KCND3: variants seen among roughly 807,000 people sequenced by gnomAD.
KCND3 encodes potassium voltage-gated channel subfamily D member 3.
A neutral mutation model predicts 51.1 loss-of-function variants in KCND3; 9 were observed. The observed-to-expected ratio is 0.18, with a 90% CI of 0.11 to 0.31. The LOEUF (loss-of-function observed/expected upper bound fraction) is 0.31, where lower values mean the gene tolerates loss of function less well. KCND3 is among the 10% of genes least tolerant of loss of function. KCND3 has a pLI of 1.00. For missense variants in KCND3, 526 were observed against 903.8 expected, an observed-to-expected ratio of 0.58 and a Z score of 5.36; for synonymous variants, 349 against 368.0, an observed-to-expected ratio of 0.95 and a Z score of 0.59.
In KCND3 at chr1:111,774,079, C is replaced by T. The variant is rs1664017062; in HGVS notation, c.*1998G>A. The T allele has an allele frequency of 6.6e-6, 1 of 152,208 alleles. No homozygotes were observed. Among genetic ancestry groups the T allele is most frequent in the Non-Finnish European group, 1.5e-5 (1 of 68,070 alleles). The allele number at this position is 152,208 out of a possible 1,614,324, so 9.4% of individuals were successfully genotyped here. On this transcript the variant is annotated 3_prime_UTR_variant, in exon 8 of 8. Transcript: ENST00000302127. The stretch of plus-strand genomic sequence containing the variant: ...TCAGCCCATGGTCAATGAGGATAAG[C>T]ATAAAGAGATAAAGACAGAAAGAAG...
At chr1:111,861,585 G>A (rs1668341859) in intron 2 of KCND3, among the ~76,000 whole-genome samples, 1 of 152,096 alleles carries the variant, frequency 6.6e-6, no homozygotes, top group African/African-American at 2.4e-5. Context: ...CGGGTGGCAG[G>A]AGGGGGCCCA....
chr1:111,982,563 C>T lies in KCND3; in HGVS notation c.164G>A (p.Arg55Lys), dbSNP rs777293834. 6.2e-7 allele frequency: 1 copy of T among 1,611,544 alleles called. No individual in the cohort carries two copies. The highest frequency in any genetic ancestry group is 8.5e-7 in the Non-Finnish European group (1 of 1,178,010). Residue 55 changes from arginine (R) to lysine (K), a missense_variant, in exon 2 of 8, where the codon AGG becomes AAG. Around this residue, in one of 5 missense-constraint regions of KCND3, gnomAD observed 159 missense variants for 262.8 expected, o/e 0.61. Transcript: ENST00000302127. The surrounding 1 kb of genome is among the most constrained non-coding windows in gnomAD (Gnocchi z 8.5). ...GTCCGGGTAGCGCTCCAGCGTGGTC[C>T]TCCAGGTCTGGAACCTCCGCCCACT... ...NVSGRRFQTW[R>K]TTLERYPDTL...
intron 2 of KCND3, among the ~76,000 whole-genome samples, chr1:111,794,801 C>T (rs945760469): frequency 2.0e-5 from 3 of 152,202 alleles, no homozygotes; most frequent in Non-Finnish European, 4.4e-5. Flanking sequence ...TTTTCATGTC[C>T]AAATCCCCTC....
chr1:111,907,670 G>A (rs1213885442), intron 2 of KCND3, among the ~76,000 whole-genome samples: 1 of 152,184 alleles, frequency 6.6e-6, no homozygotes, highest in Non-Finnish European at 1.5e-5. Flanking sequence ...AGTTTTGGGG[G>A]AATTTTGTTA....
chr1:111,796,317 A>T (rs1665053134), intron 2 of KCND3, among the ~76,000 whole-genome samples: 1 of 152,140 alleles, frequency 6.6e-6, no homozygotes, highest in Non-Finnish European at 1.5e-5. Flanking sequence ...ATAAAGACAC[A>T]TGCATGTGAA....
At chr1:111,921,372 C>T (rs1671469564) in intron 2 of KCND3, among the ~76,000 whole-genome samples, 1 of 152,184 alleles carries the variant, frequency 6.6e-6, no homozygotes, top group Non-Finnish European at 1.5e-5. Flanking sequence ...GAGCTTGGGT[C>T]AAGGCCAGGC....
chr1:111,857,176 C>T (rs192963105), intron 2 of KCND3, among the ~76,000 whole-genome samples: 3 of 152,310 alleles, frequency 2.0e-5, no homozygotes, highest in Admixed American at 2.0e-4. Flanking sequence ...TTTTCATATT[C>T]GTTACTTTGG....
chr1:111,795,823 T>C (rs938799490), intron 2 of KCND3, among the ~76,000 whole-genome samples: 1 of 152,258 alleles, frequency 6.6e-6, no homozygotes, highest in East Asian at 1.9e-4. Flanking sequence ...AGTGTTCCTT[T>C]TTCTCCACAA....
intron 3 of KCND3, 80 bp downstream of exon 3, chr1:111,786,864 G>A: frequency 6.5e-7 from 1 of 1,544,348 alleles, no homozygotes; most frequent in Non-Finnish European, 8.9e-7. Context: ...GATCCTGTGA[G>A]GAGCTCTAGT....
At chr1:111,850,419 A>G (rs1667761280) in intron 2 of KCND3, among the ~76,000 whole-genome samples, 1 of 151,946 alleles carries the variant, frequency 6.6e-6, no homozygotes, top group Non-Finnish European at 1.5e-5. Flanking sequence ...CCATCTGGGG[A>G]CCCCTCACAG....
rs1250368781 is a variant in KCND3 at position 111,771,125 on chromosome 1, C to T, written c.*4952G>A. The T allele has an allele frequency of 6.6e-6, 1 of 152,154 alleles. No individual in the cohort carries two copies. Among genetic ancestry groups the T allele is most frequent in the African/African-American group, 2.4e-5 (1 of 41,416 alleles). 9.4% of individuals were successfully genotyped at this position (152,154 alleles called of 1,614,324 possible). A position where few individuals can be genotyped will look rare whatever the true frequency, so the allele number is the denominator to read the frequency against. The stretch of plus-strand genomic sequence containing the variant: ...GTACACTGGTTAGAGTGACATCATC[C>T]AGTGTAGTTGAGTAACCTGCTAAGA... On this transcript the variant is annotated 3_prime_UTR_variant, in exon 8 of 8. Coordinates refer to ENST00000302127, the MANE Select transcript of KCND3 (RefSeq NM_001378969.1).
chr1:111,805,788 G>A (rs777577700), intron 2 of KCND3, among the ~76,000 whole-genome samples: 3 of 152,216 alleles, frequency 2.0e-5, no homozygotes, highest in Admixed American at 6.5e-5. Flanking sequence ...AATTCCCCGC[G>A]GCTGCAGAGC....
chr1:111,977,358 G>A (rs961835742), intron 2 of KCND3, among the ~76,000 whole-genome samples: 1 of 152,176 alleles, frequency 6.6e-6, no homozygotes, highest in African/African-American at 2.4e-5. Flanking sequence ...TCGCCTCTTC[G>A]AACCTCAGGC....
At chr1:111,938,270 C>T (rs1672317151) in intron 2 of KCND3, among the ~76,000 whole-genome samples, 1 of 152,176 alleles carries the variant, frequency 6.6e-6, no homozygotes, top group Non-Finnish European at 1.5e-5. Context: ...TTGGTTTGTT[C>T]ATTTGCCCAT....
chr1:111,872,515 C>G (rs1339791626), intron 2 of KCND3, among the ~76,000 whole-genome samples: 1 of 152,136 alleles, frequency 6.6e-6, no homozygotes, highest in Non-Finnish European at 1.5e-5. Context: ...ATAGAAGGCT[C>G]TCATAAAGTC....
chr1:111,959,188 G>A (rs773251989), intron 2 of KCND3, among the ~76,000 whole-genome samples: 4 of 152,158 alleles, frequency 2.6e-5, no homozygotes, highest in African/African-American at 7.2e-5. Context: ...GGATTCGGTC[G>A]GTGGTGGACA....
intron 2 of KCND3, among the ~76,000 whole-genome samples, chr1:111,881,901 G>C (rs1304363149): frequency 6.6e-6 from 1 of 152,218 alleles, no homozygotes; most frequent in Non-Finnish European, 1.5e-5. Flanking sequence ...TACAGGGCTG[G>C]AGCCAGACAA....
Position 111,953,581 on chromosome 1 carries a change from C to T in KCND3, c.1106+28040G>A, listed in dbSNP as rs533594642. ...GCCTAGAAGACAAGCGGAGAACCTG[C>T]CCAACTGAGAAGGGAGTTGAGTGCT... On this transcript the variant is annotated intron_variant, in intron 2 of 7. Transcript: ENST00000302127. 5.6e-4 allele frequency among the ~76,000 whole-genome samples: 86 copies of T among 152,322 alleles called. 1 individual carries two copies. The highest frequency in any genetic ancestry group is 2.0e-3 in the African/African-American group (83 of 41,584).
chr1:111,969,147 G>A (rs1298472255), intron 2 of KCND3, among the ~76,000 whole-genome samples: 1 of 151,976 alleles, frequency 6.6e-6, no homozygotes, highest in African/African-American at 2.4e-5. Flanking sequence ...TGCCACGGGT[G>A]TCCATATCCC....
Sources: gnomAD v4.1 joint callset for allele counts (sites outside exome capture counted in the v4.1 genomes callset) on GRCh38, gnomAD v4.1.1 for gene constraint, gnomAD v4.1.1 regional missense constraint, Gnocchi (gnomAD v3.1) non-coding constraint, MANE v1.5 for transcripts, NCBI Gene and HGNC (gene_info 2026-07-23, HGNC 2026-07-21) for gene names.